The following FNDC3B variants were observed in gnomAD, a reference collection of about 807,000 sequenced individuals.
FNDC3B encodes fibronectin type III domain containing 3B.
FNDC3B carries 12 observed loss-of-function variants against 151.5 expected under a neutral mutation model. The ratio of observed to expected loss-of-function variants is 0.08; its 90% confidence interval spans 0.05 to 0.13. The LOEUF is 0.13. Ranked by LOEUF, FNDC3B falls within the 10% of genes least tolerant of loss-of-function variation. The probability of loss-of-function intolerance (pLI) is 1.00; values close to 1 mark genes in which losing one functional copy is unlikely to be tolerated. For missense variants in FNDC3B, 1,214 were observed against 1,505.3 expected (o/e 0.81, Z 3.20); for synonymous variants, 528 against 549.0 (o/e 0.96, Z 0.54).
At chr3:172,206,466 T>G (rs911131413) in intron 3 of FNDC3B, among the ~76,000 whole-genome samples, 1 of 151,954 alleles carries the variant, frequency 6.6e-6, no homozygotes, top group African/African-American at 2.4e-5. Flanking sequence ...TGAGACCAGC[T>G]TGGCCCACAT....
chr3:172,206,282 A>G (rs1273221074), intron 3 of FNDC3B, among the ~76,000 whole-genome samples: 3 of 152,202 alleles, frequency 2.0e-5, no homozygotes, highest in Non-Finnish European at 4.4e-5. Flanking sequence ...ATATGGTTCC[A>G]TTGCTAGAGG....
At chr3:172,184,575 A>C (rs1724078685) in intron 3 of FNDC3B, among the ~76,000 whole-genome samples, 1 of 152,218 alleles carries the variant, frequency 6.6e-6, no homozygotes, top group South Asian at 2.1e-4. Flanking sequence ...TCATATCTTC[A>C]TTGAAATGGT....
At chr3:172,396,157 G>A (rs891145904) in intron 25 of FNDC3B, among the ~76,000 whole-genome samples, 19 of 152,072 alleles carry the variant, frequency 1.2e-4, no homozygotes, top group Admixed American at 9.2e-4. Context: ...AATGTCCATC[G>A]AAAAGAAAAT....
chr3:172,397,041 C>G, intron 25 of FNDC3B, 123 bp from the exon 26 acceptor site: 1 of 708,342 alleles, frequency 1.4e-6, no homozygotes. Context: ...TTTATATCAT[C>G]TTTGTTATAA....
intron 1 of FNDC3B, among the ~76,000 whole-genome samples, chr3:172,106,349 G>C (rs1418926452): frequency 6.6e-6 from 1 of 152,152 alleles, no homozygotes. Flanking sequence ...AAGTTAGTGG[G>C]AGGTCTCATT....
intron 3 of FNDC3B, among the ~76,000 whole-genome samples, chr3:172,216,831 G>A (rs1247859670): frequency 6.6e-6 from 1 of 152,186 alleles, no homozygotes; most frequent in Non-Finnish European, 1.5e-5. Context: ...CACTCTGGAT[G>A]TATGGAACCC....
At position 172,187,996 on chromosome 3, in the gene FNDC3B, G is replaced by GTTT. The variant is rs35110477; in HGVS notation, c.188-38861_188-38859dup. On this transcript the variant is annotated intron_variant, in intron 3 of 25. Transcript: ENST00000415807. ...TAAATTCCATTTTTATATTTAAGCAGTTTTTTTTTTTTTTTTGAGACGGAG... is the reference window on the plus strand; with the variant it reads ...TAAATTCCATTTTTATATTTAAGCAGTTTTTTTTTTTTTTTTTTTGAGACGGAG... Among the ~76,000 whole-genome samples the GTTT allele has an allele frequency of 3.2e-4, 43 of 134,644 alleles. 6 individuals are homozygous for GTTT. The highest frequency in any genetic ancestry group is 3.6e-4 in the Non-Finnish European group (23 of 64,348). 88.3% of individuals were successfully genotyped at this position (134,644 alleles called of 152,430 possible). A position where few individuals can be genotyped will look rare whatever the true frequency, so the allele number is the denominator to read the frequency against.
chr3:172,349,945 C>T (rs549521283), intron 21 of FNDC3B, among the ~76,000 whole-genome samples: 3 of 152,246 alleles, frequency 2.0e-5, no homozygotes, highest in African/African-American at 7.2e-5. Context: ...TGTGAGCCAC[C>T]GTGCCCGGCC....
At chr3:172,196,165 T>G in intron 3 of FNDC3B, among the ~76,000 whole-genome samples, 1 of 152,324 alleles carries the variant, frequency 6.6e-6, no homozygotes, top group South Asian at 2.1e-4. Context: ...TAAATTTAAT[T>G]TATTTTTAAA....
chr3:172,225,888 A>G (rs1461477281), intron 3 of FNDC3B: 1 of 152,476 alleles, frequency 6.6e-6, no homozygotes, highest in African/African-American at 2.4e-5. Context: ...TTGTGGTTCC[A>G]TCCCAGATGG....
chr3:172,115,104 A>G (rs1250828675), intron 2 of FNDC3B, among the ~76,000 whole-genome samples: 1 of 152,222 alleles, frequency 6.6e-6, no homozygotes, highest in Admixed American at 6.5e-5. Context: ...GGCTCAGCCT[A>G]GGCAGTGGCC....
At chr3:172,203,212 G>A (rs1725248062) in intron 3 of FNDC3B, among the ~76,000 whole-genome samples, 1 of 152,178 alleles carries the variant, frequency 6.6e-6, no homozygotes, top group African/African-American at 2.4e-5. Flanking sequence ...CCCTTCCCCT[G>A]TGGCACTTAC....
At chr3:172,066,354 C>T (rs1717495795) in intron 1 of FNDC3B, among the ~76,000 whole-genome samples, 1 of 152,216 alleles carries the variant, frequency 6.6e-6, no homozygotes, top group South Asian at 2.1e-4. Context: ...TTCATATCAA[C>T]CCTGGAAGGG....
rs547963290 is a variant in FNDC3B, at chr3:172,157,645, G to T, written c.187+24099G>T. On this transcript the variant is annotated intron_variant, in intron 3 of 25. Coordinates refer to ENST00000415807, the MANE Select transcript of FNDC3B (RefSeq NM_022763.4). ...AGTGTCATGTAAATGAAATCTCACAGGATATAAGTTTTTGAGATTGGCTGT... is the reference window on the plus strand; with the variant it reads ...AGTGTCATGTAAATGAAATCTCACATGATATAAGTTTTTGAGATTGGCTGT... Among the ~76,000 whole-genome samples, 4 of 152,250 alleles carry T rather than the reference G, an allele frequency of 2.6e-5. No individual in the cohort carries two copies. The East Asian group carries it at 7.7e-4, about 29-fold the overall frequency.
intron 3 of FNDC3B, among the ~76,000 whole-genome samples, chr3:172,144,127 A>G (rs1430599303): frequency 6.6e-6 from 1 of 152,040 alleles, no homozygotes; most frequent in Admixed American, 6.5e-5. Context: ...TACAATTATG[A>G]CAGAAGACGA....
intron 2 of FNDC3B, among the ~76,000 whole-genome samples, chr3:172,115,960 C>G (rs891591646): frequency 5.2e-4 from 79 of 152,194 alleles, no homozygotes; most frequent in African/African-American, 1.8e-3. Context: ...GATTTCTGTT[C>G]TGCTGGTTCT....
intron 2 of FNDC3B, chr3:172,127,160 T>C (rs1386925508): frequency 4.5e-6 from 2 of 444,698 alleles, no homozygotes; most frequent in Admixed American, 5.0e-5. Context: ...GAGAGACTTG[T>C]TACTGGTAGG....
chr3:172,311,710 C>CAA (rs58156426), intron 11 of FNDC3B, among the ~76,000 whole-genome samples: 5 of 121,502 alleles, frequency 4.1e-5, no homozygotes, highest in Non-Finnish European at 3.6e-5. Flanking sequence ...ACTAAAAATA[C>CAA]AAAAAAAAAA....
At chr3:172,231,256 A>C (rs1272518912) in intron 4 of FNDC3B, among the ~76,000 whole-genome samples, 4 of 152,216 alleles carry the variant, frequency 2.6e-5, no homozygotes, top group African/African-American at 9.7e-5. Context: ...ACAATAGGCA[A>C]ATTCATGGAG....
Sources: gnomAD v4.1 joint callset for allele counts (sites outside exome capture counted in the v4.1 genomes callset) on GRCh38, gnomAD v4.1.1 for gene constraint, MANE v1.5 for transcripts, NCBI Gene and HGNC (gene_info 2026-07-23, HGNC 2026-07-21) for gene names.